FBXO28: variants seen among roughly 807,000 people sequenced by gnomAD.
FBXO28 encodes the protein F-box only protein 28.
In FBXO28, 8 loss-of-function variants were observed where a neutral mutation model predicts 38.1. The observed-to-expected ratio is 0.21, with a 90% CI of 0.12 to 0.38. The LOEUF (loss-of-function observed/expected upper bound fraction) is 0.38, where lower values mean the gene tolerates loss of function less well. FBXO28 is among the 10% of genes least tolerant of loss of function. The pLI is 1.00. For missense variants in FBXO28, 345 were observed against 460.6 expected, an observed-to-expected ratio of 0.75 and a Z score of 2.30; for synonymous variants, 168 against 173.8, an observed-to-expected ratio of 0.97 and a Z score of 0.26.
At chr1:224,129,002 A>AC (rs1348274471) in intron 1 of FBXO28, among the ~76,000 whole-genome samples, 2 of 151,410 alleles carry the variant, frequency 1.3e-5, no homozygotes, top group East Asian at 1.9e-4. Context: ...AAAAAAAAAA[A>AC]ACTATATTAA....
chr1:224,117,645 T>G (rs1418112122), intron 1 of FBXO28, among the ~76,000 whole-genome samples: 1 of 152,162 alleles, frequency 6.6e-6, no homozygotes, highest in Non-Finnish European at 1.5e-5. Flanking sequence ...GCAGCATTAG[T>G]ATGTCACCCA....
intron 3 of FBXO28, among the ~76,000 whole-genome samples, chr1:224,150,342 G>A (rs1278784797): frequency 6.6e-6 from 1 of 152,038 alleles, no homozygotes; most frequent in Non-Finnish European, 1.5e-5. Flanking sequence ...GAGTACTGTG[G>A]TACTTTTCCT....
chr1:224,154,740 G>A (rs1437992602), intron 4 of FBXO28, among the ~76,000 whole-genome samples: 4 of 152,088 alleles, frequency 2.6e-5, no homozygotes, highest in African/African-American at 7.2e-5. Flanking sequence ...CCCAGGAGGC[G>A]GAGCTTGCAG....
chr1:224,119,030 C>T (rs1254464711), intron 1 of FBXO28, among the ~76,000 whole-genome samples: 3 of 152,168 alleles, frequency 2.0e-5, no homozygotes, highest in Admixed American at 6.5e-5. Context: ...GAAAGGGTCT[C>T]CAGGACCCTG....
chr1:224,143,135 G>GC (rs1279163184), intron 3 of FBXO28, among the ~76,000 whole-genome samples: 1 of 149,902 alleles, frequency 6.7e-6, no homozygotes, highest in Non-Finnish European at 1.5e-5. Flanking sequence ...GTGCAGTGGT[G>GC]CGGAACCCAG....
chr1:224,119,758 G>A (rs1656730150), intron 1 of FBXO28, among the ~76,000 whole-genome samples: 3 of 152,122 alleles, frequency 2.0e-5, no homozygotes, highest in Admixed American at 1.3e-4. Flanking sequence ...AATAAAGGTA[G>A]AAGAGCATTC....
intron 2 of FBXO28, among the ~76,000 whole-genome samples, chr1:224,132,243 C>T (rs537548975): frequency 3.3e-5 from 5 of 152,124 alleles, no homozygotes; most frequent in African/African-American, 1.2e-4. Flanking sequence ...CAGAGCAAGA[C>T]TCTGTCTCCA....
At chr1:224,129,387 G>A (rs1403298293) in intron 1 of FBXO28, among the ~76,000 whole-genome samples, 2 of 152,110 alleles carry the variant, frequency 1.3e-5, no homozygotes, top group Non-Finnish European at 1.5e-5. Context: ...AAAGGCCTTG[G>A]CCATCATAAG....
At chr1:224,126,688 T>C (rs1656911269) in intron 1 of FBXO28, among the ~76,000 whole-genome samples, 1 of 152,078 alleles carries the variant, frequency 6.6e-6, no homozygotes, top group Admixed American at 6.6e-5. Context: ...CAGGCGCCTG[T>C]AATCCCAGCT....
chr1:224,115,465 C>T (rs1656623044), intron 1 of FBXO28, among the ~76,000 whole-genome samples: 2 of 152,270 alleles, frequency 1.3e-5, no homozygotes, highest in South Asian at 2.1e-4. Flanking sequence ...TAGGCATACA[C>T]CTCCACTTTC....
intron 3 of FBXO28, among the ~76,000 whole-genome samples, chr1:224,138,966 A>G (rs976165520): frequency 1.9e-4 from 29 of 151,492 alleles, no homozygotes; most frequent in East Asian, 5.8e-4. Flanking sequence ...TGTATTTTTA[A>G]TAGAGACGGG....
intron 3 of FBXO28, among the ~76,000 whole-genome samples, chr1:224,150,580 A>T (rs1158407888): frequency 6.6e-6 from 1 of 152,118 alleles, no homozygotes; most frequent in African/African-American, 2.4e-5. Context: ...CTCTTTGGAG[A>T]TATACATGTA....
intron 3 of FBXO28, among the ~76,000 whole-genome samples, chr1:224,148,533 G>A (rs566360789): frequency 6.6e-6 from 1 of 151,982 alleles, no homozygotes; most frequent in African/African-American, 2.4e-5. Context: ...GTGGTGGCGG[G>A]TGCCTGTAGT....
At chr1:224,137,384 G>T (rs905323087) in intron 3 of FBXO28, among the ~76,000 whole-genome samples, 7 of 151,550 alleles carry the variant, frequency 4.6e-5, no homozygotes, top group Non-Finnish European at 8.8e-5. Context: ...TTAGCTGGGC[G>T]TGGTGGTGTG....
intron 1 of FBXO28, among the ~76,000 whole-genome samples, chr1:224,114,901 T>C (rs1204290519): frequency 6.6e-6 from 1 of 152,166 alleles, no homozygotes; most frequent in Non-Finnish European, 1.5e-5. Context: ...TTGAGTAGAC[T>C]AAGGTGGCTC....
chr1:224,124,472 T>G (rs1385918116), intron 1 of FBXO28, among the ~76,000 whole-genome samples: 1 of 152,218 alleles, frequency 6.6e-6, no homozygotes, highest in East Asian at 1.9e-4. Flanking sequence ...CTTGGGTAAA[T>G]TGCCAAATTG....
chr1:224,130,452 G>GTT lies in FBXO28; in HGVS notation c.268-19_268-18dup. The GTT allele has an allele frequency of 1.3e-6, 2 of 1,573,104 alleles. No individual in the cohort carries two copies. The highest frequency in any genetic ancestry group is 1.7e-6 in the Non-Finnish European group (2 of 1,143,654). ...CTTATTAATTTGGTTATTGATTTTT[G>GTT]TTCTTTTTTCTCCTTGAAGGTTTGT... On this transcript the variant is annotated intron_variant, in intron 1 of 4. Coordinates refer to ENST00000366862, the MANE Select transcript of FBXO28 (RefSeq NM_015176.4).
chr1:224,128,230 T>TATTATTA (rs1553288944), intron 1 of FBXO28, among the ~76,000 whole-genome samples: 2 of 147,814 alleles, frequency 1.4e-5, no homozygotes, highest in South Asian at 4.3e-4. Flanking sequence ...CATGTCTTTT[T>TATTATTA]TTATTATTAT....
In FBXO28 at chr1:224,114,391, C is replaced by A. The variant is rs1656593351; in HGVS notation, c.262C>A (p.Arg88Ser). The part of the protein sequence containing the change: ...FMSYDEISQL[R>S]LVCKRMDLVC... Reference sequence around the variant, plus strand: ...GTCCTACGACGAAATTAGCCAGCTCCGCCTGGTGAGGCCCCCGCAGAACTC... The same window carrying A: ...GTCCTACGACGAAATTAGCCAGCTCAGCCTGGTGAGGCCCCCGCAGAACTC... Residue 88 changes from arginine to serine, a missense_variant, in exon 1 of 5, where the codon CGC becomes AGC. Arg to Ser is a moderately radical substitution (Grantham distance 110). This residue lies in a region of FBXO28 where 56 missense variants were observed against 99.8 expected (regional missense o/e 0.56). Coordinates refer to ENST00000366862, the MANE Select transcript of FBXO28 (RefSeq NM_015176.4). The A allele has an allele frequency of 6.3e-7, 1 of 1,579,262 alleles. No individual in the cohort carries two copies. Among genetic ancestry groups the A allele is most frequent in the Non-Finnish European group, 8.6e-7 (1 of 1,160,376 alleles).
Sources: gnomAD v4.1 joint callset for allele counts (sites outside exome capture counted in the v4.1 genomes callset) on GRCh38, gnomAD v4.1.1 for gene constraint, gnomAD v4.1.1 regional missense constraint, MANE v1.5 for transcripts, NCBI Gene and HGNC (gene_info 2026-07-23, HGNC 2026-07-21) for gene names.